Variants in CDHR1 observed in about 807,000 individuals in gnomAD.
The protein encoded by CDHR1 is cadherin-related family member 1.
A neutral mutation model predicts 72.1 loss-of-function variants in CDHR1; 61 were observed. That is an observed-to-expected ratio of 0.85 (90% confidence interval 0.69 to 1.05). The LOEUF (loss-of-function observed/expected upper bound fraction) is 1.05. CDHR1 is among the 50% of genes least tolerant of loss of function. The probability of loss-of-function intolerance (pLI) is 0.00; values close to 1 mark genes in which losing one functional copy is unlikely to be tolerated. For missense variants in CDHR1, 1,186 were observed against 1,115.7 expected (o/e 1.06, Z -0.90); for synonymous variants, 470 against 448.1 (o/e 1.05, Z -0.62).
intron 7 of CDHR1, 86 bp from the exon 8 acceptor site, chr10:84,202,894 T>C: frequency 6.6e-7 from 1 of 1,505,532 alleles, no homozygotes; most frequent in South Asian, 1.1e-5. Context: ...CAGCCATAGG[T>C]GGCAGAAGCC....
At chr10:84,219,525 C>G (rs1436167467), downstream of CDHR1, 1 of 478,268 alleles carries the variant, frequency 2.1e-6, no homozygotes, top group Non-Finnish European at 3.5e-6. Flanking sequence ...CAGGCTATTT[C>G]ATGATGGTGA....
rs149181127 is a variant in CDHR1 at position 84,208,767 on chromosome 10, C to T, written c.1206C>T (p.Pro402=). 2.4e-4 allele frequency: 394 copies of T among 1,614,058 alleles called. No individual in the cohort carries two copies. Among genetic ancestry groups the T allele is most frequent in the Non-Finnish European group, 3.0e-4 (358 of 1,180,014 alleles). ...AATTCAACTTGCAGCTGGTGGGACC[C>T]AGGGGCATCTTCCGAGTGGTTCCAC... ...NAKFNLQLVG[P]RGIFRVVPQT... The change falls in exon 12 of 17, where the codon CCC becomes CCT. Residue 402 remains proline (P), a synonymous_variant. Coordinates refer to ENST00000623527, the MANE Select transcript of CDHR1 (RefSeq NM_033100.4).
In CDHR1 at chr10:84,205,851, A is replaced by C. The variant is rs764219118; in HGVS notation, c.887A>C (p.Asn296Thr). 53 of 1,613,926 alleles carry C rather than the reference A, an allele frequency of 3.3e-5. No individual in the cohort carries two copies. Among genetic ancestry groups the C allele is most frequent in the Non-Finnish European group, 4.3e-5 (51 of 1,179,960 alleles). ...GGGAACGATGGAGCCTTTGAAATTA[A>C]TGAGACATCTGGAGCCATCTCCATC... ...VNGNDGAFEI[N>T]ETSGAISITQ... Residue 296 changes from asparagine (N) to threonine (T), a missense_variant, in exon 10 of 17, where the codon AAT becomes ACT. By Grantham distance (65) the Asn-to-Thr change is moderately conservative. Coordinates refer to ENST00000623527, the MANE Select transcript of CDHR1 (RefSeq NM_033100.4).
intron 12 of CDHR1, 35 bp from the exon 13 acceptor site, chr10:84,210,966 T>C: frequency 6.2e-7 from 1 of 1,613,280 alleles, no homozygotes; most frequent in Non-Finnish European, 8.5e-7. Context: ...CATGAGTGCC[T>C]ACCCAGACAA....
In CDHR1 at chr10:84,208,393, C is replaced by A. The variant is rs376857087; in HGVS notation, c.1167+16C>A. 1 of 1,613,072 alleles carries A rather than the reference C, an allele frequency of 6.2e-7. No individual in the cohort carries two copies. The stretch of plus-strand genomic sequence containing the variant: ...CTCCGACCAGGTGTGTGGTCCTGCC[C>A]TCCGCTCTGCCTTCTCACAAACGGT... On this transcript the variant is annotated intron_variant, in intron 11 of 16. Coordinates refer to ENST00000623527, the MANE Select transcript of CDHR1 (RefSeq NM_033100.4).
Position 84,216,530 on chromosome 10 carries a change from C to A in CDHR1, c.*1909C>A. 3.0e-6 allele frequency: 3 copies of A among 985,532 alleles called. No homozygotes were observed. Among genetic ancestry groups the A allele is most frequent in the Non-Finnish European group, 3.6e-6 (3 of 829,968 alleles). The allele number at this position is 985,532 out of a possible 1,614,324, so 61.0% of individuals were successfully genotyped here. On this transcript the variant is annotated 3_prime_UTR_variant, in exon 17 of 17. Transcript: ENST00000623527. ...TAAAGTCTGTTACCCAAAGGCCATG[C>A]TGATCCCCTGCTCCCTGCTTTCATT...
In CDHR1 at chr10:84,218,686, T is replaced by C. The variant is rs545443625; in HGVS notation, c.*4065T>C. 87 of 987,916 alleles carry C rather than the reference T, an allele frequency of 8.8e-5. No individual in the cohort carries two copies. In the African/African-American group the frequency reaches 1.3e-3, roughly 15 times the overall value. 61.2% of individuals were successfully genotyped at this position (987,916 alleles called of 1,614,324 possible). A position where few individuals can be genotyped will look rare whatever the true frequency, so the allele number is the denominator to read the frequency against. ...TAAATAAATAAGCTTCTCAAGGGCA[T>C]GACAACTATATCGGAAACTGTAGCA... On this transcript the variant is annotated 3_prime_UTR_variant, in exon 17 of 17. Transcript: ENST00000623527.
chr10:84,206,173 G>A (rs766648654), intron 10 of CDHR1, among the ~76,000 whole-genome samples: 1 of 152,180 alleles, frequency 6.6e-6, no homozygotes, highest in African/African-American at 2.4e-5. Flanking sequence ...TGCCAGAGGC[G>A]GGCATTGGGT....
intron 4 of CDHR1, 149 bp downstream of exon 4, chr10:84,197,985 G>T (rs1304082691): frequency 2.0e-5 from 15 of 749,840 alleles, no homozygotes; most frequent in Non-Finnish European, 3.5e-5. Flanking sequence ...AGTGCCCACA[G>T]GAGAGGGCTG....
chr10:84,217,859 C>T lies in CDHR1; in HGVS notation c.*3238C>T, dbSNP rs1842450277. On this transcript the variant is annotated 3_prime_UTR_variant, in exon 17 of 17. Coordinates refer to ENST00000623527, the MANE Select transcript of CDHR1 (RefSeq NM_033100.4). ...CCGGCAGCCTGCATTTGGGCGTTGA[C>T]ATTCCAGGGGAGTTAGGAACAATGA... The T allele has an allele frequency of 1.0e-6, 1 of 985,352 alleles. No homozygotes were observed. The highest frequency in any genetic ancestry group is 4.7e-5 in the South Asian group (1 of 21,298). The allele number at this position is 985,352 out of a possible 1,614,324, so 61.0% of individuals were successfully genotyped here. A position where few individuals can be genotyped will look rare whatever the true frequency, so the allele number is the denominator to read the frequency against.
intron 4 of CDHR1, 22 bp downstream of exon 4, chr10:84,197,858 T>C: frequency 6.2e-7 from 1 of 1,611,026 alleles, no homozygotes; most frequent in Non-Finnish European, 8.5e-7. Flanking sequence ...TCCAAGGCAG[T>C]CCCTGGCAGC....
Position 84,216,289 on chromosome 10 carries a change from C to T in CDHR1, c.*1668C>T. The T allele has an allele frequency of 2.0e-6, 2 of 985,490 alleles. No homozygotes were observed. Among genetic ancestry groups the T allele is most frequent in the Non-Finnish European group, 2.4e-6 (2 of 829,966 alleles). 61.0% of individuals were successfully genotyped at this position (985,490 alleles called of 1,614,324 possible). On this transcript the variant is annotated 3_prime_UTR_variant, in exon 17 of 17. Transcript: ENST00000623527. ...GTTTGGAGGTGTTACTGAGATGTGC[C>T]AGTGTGCAGAATCCTTGCTGGGGTT...
At position 84,218,611 on chromosome 10, in the gene CDHR1, A is replaced by G; in HGVS notation, c.*3990A>G. On this transcript the variant is annotated 3_prime_UTR_variant, in exon 17 of 17. Transcript: ENST00000623527. ...TAAAAGCAAGTAGCCCTGCTTACAA[A>G]TGTCTCCTCAATCAAAGGCATTTGC... is the stretch of plus-strand genomic sequence containing the variant. 2.0e-6 allele frequency: 2 copies of G among 985,622 alleles called. No homozygotes were observed. Among genetic ancestry groups the G allele is most frequent in the Non-Finnish European group, 2.4e-6 (2 of 830,056 alleles). The allele number at this position is 985,622 out of a possible 1,614,324, so 61.1% of individuals were successfully genotyped here. A position where few individuals can be genotyped will look rare whatever the true frequency, so the allele number is the denominator to read the frequency against.
chr10:84,208,776 C>T lies in CDHR1; in HGVS notation c.1215C>T (p.Ile405=). 6.2e-7 allele frequency: 1 copy of T among 1,614,238 alleles called. No homozygotes were observed. Among genetic ancestry groups the T allele is most frequent in the Non-Finnish European group, 8.5e-7 (1 of 1,180,024 alleles). ...TGCAGCTGGTGGGACCCAGGGGCAT[C>T]TTCCGAGTGGTTCCACAGACAGTCC... ...FNLQLVGPRG[I]FRVVPQTVLN... is the part of the protein sequence containing the mutation. Residue 405 remains isoleucine (I), a synonymous_variant, in exon 12 of 17, where the codon ATC becomes ATT. Transcript: ENST00000623527.
chr10:84,214,497 C>G lies in CDHR1; in HGVS notation c.2456C>G (p.Thr819Ser). Residue 819 changes from threonine to serine, a missense_variant, in exon 17 of 17, where the codon ACT (threonine) becomes AGT (serine). By Grantham distance (58) the Thr-to-Ser change is moderately conservative (BLOSUM62 1). Transcript: ENST00000623527. ...WTVPTVSGSL[T>S]PQPTQPPPKP... ...GTGCCTACTGTCTCTGGCTCTCTCA[C>G]TCCGCAGCCGACCCAACCCCCGCCA... is the stretch of plus-strand genomic sequence containing the variant. 1 of 1,606,794 alleles carries G rather than the reference C, an allele frequency of 6.2e-7. No individual in the cohort carries two copies. Among genetic ancestry groups the G allele is most frequent in the Non-Finnish European group, 8.5e-7 (1 of 1,179,642 alleles).
downstream of CDHR1, chr10:84,219,416 G>C: frequency 7.4e-7 from 1 of 1,351,044 alleles, no homozygotes; most frequent in Non-Finnish European, 9.7e-7. Flanking sequence ...CTCTTCCACA[G>C]CCCTTCTCTC....
chr10:84,207,117 T>G (rs7092674), intron 10 of CDHR1, among the ~76,000 whole-genome samples: 81,761 of 151,818 alleles, frequency 0.54, 23,343 homozygotes, highest in African/African-American at 0.74. Context: ...GGCATACAGG[T>G]TTGGAATTGT....
rs1842359077 is a variant in CDHR1 at position 84,212,828 on chromosome 10, C to T, written c.1783-263C>T. The T allele has an allele frequency of 2.4e-5, 14 of 579,464 alleles. No individual in the cohort carries two copies. The South Asian group carries it at 2.8e-4, about 12-fold the overall frequency. The allele number at this position is 579,464 out of a possible 1,614,324, so 35.9% of individuals were successfully genotyped here. A position where few individuals can be genotyped will look rare whatever the true frequency, so the allele number is the denominator to read the frequency against. ...CCACTTTGCATCTAAGCTTTCATTT[C>T]TGCATCTGTAATATGGATTCACCAA... On this transcript the variant is annotated intron_variant, in intron 15 of 16. Transcript: ENST00000623527.
chr10:84,216,303 C>T lies in CDHR1; in HGVS notation c.*1682C>T. Reference sequence around the variant, plus strand: ...CTGAGATGTGCCAGTGTGCAGAATCCTTGCTGGGGTTTCTACAGTCCCCAA... The same window carrying T: ...CTGAGATGTGCCAGTGTGCAGAATCTTTGCTGGGGTTTCTACAGTCCCCAA... On this transcript the variant is annotated 3_prime_UTR_variant, in exon 17 of 17. Transcript: ENST00000623527. 1.0e-6 allele frequency: 1 copy of T among 985,448 alleles called. No homozygotes were observed. Among genetic ancestry groups the T allele is most frequent in the Non-Finnish European group, 1.2e-6 (1 of 829,944 alleles). 61.0% of individuals were successfully genotyped at this position (985,448 alleles called of 1,614,324 possible). A position where few individuals can be genotyped will look rare whatever the true frequency, so the allele number is the denominator to read the frequency against.
Sources: allele counts gnomAD v4.1 joint callset (sites outside exome capture counted in the v4.1 genomes callset), GRCh38; gene constraint gnomAD v4.1.1; transcripts MANE v1.5; gene names NCBI Gene and HGNC (gene_info 2026-07-23, HGNC 2026-07-21).